SEL1L3: variants seen among roughly 807,000 people sequenced by gnomAD.
SEL1L3 encodes the protein protein sel-1 homolog 3.
Under a neutral mutation model 142.8 loss-of-function variants are expected in SEL1L3, and 76 were observed. That is an observed-to-expected ratio of 0.53 (90% CI 0.44 to 0.64). The LOEUF (loss-of-function observed/expected upper bound fraction) is 0.64, where lower values mean the gene tolerates loss of function less well. Among genes scored for constraint, SEL1L3 ranks in the 30% least tolerant of loss-of-function variants. SEL1L3 has a pLI of 0.00. For synonymous variants in SEL1L3, 504 were observed against 519.6 expected, an observed-to-expected ratio of 0.97 and a Z score of 0.41; for missense variants, 1,262 against 1,381.7, an observed-to-expected ratio of 0.91 and a Z score of 1.37.
downstream of SEL1L3, among the ~76,000 whole-genome samples, chr4:25,743,428 A>G (rs1251188751): frequency 6.6e-6 from 1 of 152,120 alleles, no homozygotes; most frequent in African/African-American, 2.4e-5. Context: ...TAGGAAGTTT[A>G]TTTTGCCAAA....
Position 25,760,241 on chromosome 4 carries a change from C to T in SEL1L3, c.2956-1173G>A, listed in dbSNP as rs183222036. Reference sequence around the variant, plus strand: ...CCAGCTCCATCCATGTTCCTGCAAACGACATGATGTCATTCTTTTTTATGG... The same window carrying T: ...CCAGCTCCATCCATGTTCCTGCAAATGACATGATGTCATTCTTTTTTATGG... On this transcript the variant is annotated intron_variant, in intron 20 of 23. Transcript: ENST00000399878. Among the ~76,000 whole-genome samples, 535 of 152,230 alleles carry T rather than the reference C, an allele frequency of 3.5e-3. 8 individuals carry two copies. The highest frequency in any genetic ancestry group is 0.012 in the African/African-American group (506 of 41,540).
chr4:25,790,431 C>T (rs1338674170), intron 12 of SEL1L3, 24 bp downstream of exon 12: 3 of 1,613,000 alleles, frequency 1.9e-6, no homozygotes, highest in South Asian at 2.2e-5. Context: ...ACAGAATCCC[C>T]AAGACAGTAG....
chr4:25,781,530 C>A (rs535734471), intron 15 of SEL1L3, among the ~76,000 whole-genome samples: 1 of 152,242 alleles, frequency 6.6e-6, no homozygotes, highest in South Asian at 2.1e-4. Flanking sequence ...CCCAGTTACT[C>A]CAGAGGCTGA....
Position 25,792,455 on chromosome 4 carries a change from C to T in SEL1L3, c.1957-1881G>A, listed in dbSNP as rs368601778. Among the ~76,000 whole-genome samples the T allele has an allele frequency of 3.0e-4, 45 of 152,336 alleles. No individual in the cohort carries two copies. The East Asian group carries it at 7.2e-3, about 24-fold the overall frequency. ...CCACTCTATCTGGTCCACGCTTGGC[C>T]AAGCTTATGGCCAGTGTGTATGGAG... On this transcript the variant is annotated intron_variant, in intron 11 of 23. Transcript: ENST00000399878.
intron 9 of SEL1L3, among the ~76,000 whole-genome samples, chr4:25,807,012 C>A (rs1334007512): frequency 5.3e-5 from 8 of 152,126 alleles, no homozygotes; most frequent in Admixed American, 5.2e-4. Context: ...TAATTCGTAT[C>A]CAAATCTATT....
In SEL1L3 at chr4:25,759,062, A is replaced by G. The variant is rs1718199553; in HGVS notation, c.2962T>C (p.Phe988Leu). The G allele has an allele frequency of 6.2e-7, 1 of 1,613,222 alleles. No individual in the cohort carries two copies. Among genetic ancestry groups the G allele is most frequent in the Non-Finnish European group, 8.5e-7 (1 of 1,179,656 alleles). The change falls in exon 21 of 24, where the codon TTT becomes CTT. Residue 988 changes from phenylalanine (F) to leucine (L), a missense_variant. By Grantham distance (22) the Phe-to-Leu change is conservative (BLOSUM62 0). This residue lies in a region of SEL1L3 where 435 missense variants were observed against 559.2 expected (regional missense o/e 0.78). Transcript: ENST00000399878. ...AALDGDSQGF[F>L]NLALLIEEGT... ...TCCTCGATTAGCAGGGCCAGGTTAA[A>G]AAATCCCTAAAAACAAGCCACAAAC...
intron 2 of SEL1L3, among the ~76,000 whole-genome samples, chr4:25,839,661 G>A (rs1171759106): frequency 1.3e-5 from 2 of 152,208 alleles, no homozygotes; most frequent in African/African-American, 4.8e-5. Flanking sequence ...GGAAACACAA[G>A]AAACTGTTGC....
chr4:25,741,037 G>T, the SEL1L3 span, among the ~76,000 whole-genome samples: 1 of 151,722 alleles, frequency 6.6e-6, no homozygotes, highest in Non-Finnish European at 1.5e-5. Flanking sequence ...TGCCCACCTT[G>T]GTCTTCCAAA....
intron 11 of SEL1L3, among the ~76,000 whole-genome samples, chr4:25,799,185 G>A (rs1030959509): frequency 3.3e-5 from 5 of 151,954 alleles, no homozygotes; most frequent in Admixed American, 2.0e-4. Context: ...AGTGACTCTC[G>A]TGCCTCAGCC....
At chr4:25,731,812 C>T in the SEL1L3 span, among the ~76,000 whole-genome samples, 26 of 152,210 alleles carry the variant, frequency 1.7e-4, no homozygotes, top group East Asian at 2.9e-3. Context: ...GTGGCTCATG[C>T]GTGTAATCCC....
intron 9 of SEL1L3, among the ~76,000 whole-genome samples, chr4:25,808,984 A>G (rs1394201881): frequency 1.3e-5 from 2 of 148,510 alleles, no homozygotes; most frequent in Non-Finnish European, 3.0e-5. Context: ...GAGGCAGGAG[A>G]ATGGCGTGAA....
chr4:25,860,153 G>A (rs746661744), intron 1 of SEL1L3, among the ~76,000 whole-genome samples: 14 of 152,146 alleles, frequency 9.2e-5, no homozygotes, highest in Non-Finnish European at 1.5e-4. Flanking sequence ...TACCTCAGAG[G>A]GCTGTTGCTA....
At chr4:25,759,532 C>T (rs1001408509) in intron 20 of SEL1L3, 14 of 158,850 alleles carry the variant, frequency 8.8e-5, no homozygotes, top group Admixed American at 1.2e-4. Flanking sequence ...CTCCCTTGCA[C>T]GGGATCACCT....
At chr4:25,767,472 T>C in intron 19 of SEL1L3, 53 bp downstream of exon 19, 1 of 930,616 alleles carries the variant, frequency 1.1e-6, no homozygotes, top group Non-Finnish European at 1.7e-6. Context: ...TCCCTGTTAC[T>C]AAAGATTAAA....
At chr4:25,722,370 T>G in the SEL1L3 span, among the ~76,000 whole-genome samples, 1 of 151,990 alleles carries the variant, frequency 6.6e-6, no homozygotes, top group Non-Finnish European at 1.5e-5. Context: ...TTGCAACTAC[T>G]GAGTCTTAAT....
intron 1 of SEL1L3, among the ~76,000 whole-genome samples, chr4:25,858,366 A>G (rs2109327011): frequency 6.6e-6 from 1 of 152,248 alleles, no homozygotes; most frequent in Middle Eastern, 3.4e-3. Flanking sequence ...ATAACTGCAG[A>G]TCTCTTTACC....
chr4:25,746,045 T>C (rs763633778), downstream of SEL1L3, among the ~76,000 whole-genome samples: 2 of 152,200 alleles, frequency 1.3e-5, no homozygotes, highest in African/African-American at 2.4e-5. Context: ...ATCTCAGTGT[T>C]GAAATGTAAT....
intron 17 of SEL1L3, 148 bp from the exon 18 acceptor site, chr4:25,767,978 GT>G: frequency 1.6e-6 from 1 of 612,772 alleles, no homozygotes. Flanking sequence ...AATAAATATT[GT>G]TAAAAATACT....
chr4:25,818,688 C>G (rs1482044976), intron 8 of SEL1L3, among the ~76,000 whole-genome samples: 1 of 152,144 alleles, frequency 6.6e-6, no homozygotes, highest in Non-Finnish European at 1.5e-5. Context: ...CCTTCTATCT[C>G]AGGGTATGTC....
Sources: gnomAD v4.1 joint callset for allele counts (sites outside exome capture counted in the v4.1 genomes callset) on GRCh38, gnomAD v4.1.1 for gene constraint, gnomAD v4.1.1 regional missense constraint, MANE v1.5 for transcripts, NCBI Gene and HGNC (gene_info 2026-07-23, HGNC 2026-07-21) for gene names.